The following RALGAPA2 variants were observed in gnomAD, a reference collection of about 807,000 sequenced individuals.
The protein encoded by RALGAPA2 is Ral GTPase activating protein catalytic subunit alpha 2.
In RALGAPA2, 139 loss-of-function variants were observed where a neutral mutation model predicts 230.4. That is an observed-to-expected ratio of 0.60 (90% CI 0.53 to 0.69). The LOEUF is 0.69. Ranked by LOEUF, RALGAPA2 falls within the 30% of genes least tolerant of loss-of-function variation. The pLI, the probability that RALGAPA2 is intolerant of heterozygous loss-of-function variation, is 0.00. For missense variants in RALGAPA2, 2,163 were observed against 2,276.0 expected, an observed-to-expected ratio of 0.95 and a Z score of 1.01; for synonymous variants, 847 against 837.8, an observed-to-expected ratio of 1.01 and a Z score of -0.19.
intron 35 of RALGAPA2, among the ~76,000 whole-genome samples, chr20:20,502,666 T>A (rs2062411108): frequency 6.6e-6 from 1 of 152,180 alleles, no homozygotes; most frequent in African/African-American, 2.4e-5. Context: ...CTTGCATTTA[T>A]GTGGTAGGGA....
intron 38 of RALGAPA2, among the ~76,000 whole-genome samples, chr20:20,402,210 T>C (rs1163359606): frequency 6.6e-6 from 1 of 152,202 alleles, no homozygotes; most frequent in Non-Finnish European, 1.5e-5. Flanking sequence ...CAGAGAAATC[T>C]TGCCCCATGG....
chr20:20,538,777 A>G (rs960949161), intron 24 of RALGAPA2, among the ~76,000 whole-genome samples: 13 of 152,182 alleles, frequency 8.5e-5, no homozygotes, highest in African/African-American at 2.4e-4. Flanking sequence ...TGGAGTGCAG[A>G]GAGAGAGAAG....
intron 3 of RALGAPA2, among the ~76,000 whole-genome samples, chr20:20,673,663 A>C (rs1204853570): frequency 1.3e-5 from 2 of 152,200 alleles, no homozygotes; most frequent in Non-Finnish European, 2.9e-5. Flanking sequence ...TCTTCACATA[A>C]GTAAAAAAAG....
At chr20:20,418,457 C>T (rs912030504) in intron 37 of RALGAPA2, among the ~76,000 whole-genome samples, 17 of 152,272 alleles carry the variant, frequency 1.1e-4, no homozygotes, top group African/African-American at 3.9e-4. Context: ...AACAGACGTG[C>T]GTGCTTGCAG....
At chr20:20,411,968 T>C in intron 38 of RALGAPA2, 59 bp downstream of exon 38, 1 of 1,599,946 alleles carries the variant, frequency 6.3e-7, no homozygotes. Context: ...AAAACAGGTG[T>C]ACATCTGCTG....
chr20:20,509,908 A>G (rs538531629), intron 33 of RALGAPA2, among the ~76,000 whole-genome samples: 13 of 152,334 alleles, frequency 8.5e-5, no homozygotes, highest in African/African-American at 3.1e-4. Flanking sequence ...TGTTTAAAAG[A>G]AAATTCCAAC....
chr20:20,550,128 T>C (rs191941818), intron 23 of RALGAPA2, among the ~76,000 whole-genome samples: 1 of 152,166 alleles, frequency 6.6e-6, no homozygotes, highest in East Asian at 1.9e-4. Context: ...TAGTCTTTTA[T>C]CCCTCATCCC....
At chr20:20,607,982 A>G (rs1284658133) in intron 14 of RALGAPA2, among the ~76,000 whole-genome samples, 3 of 152,184 alleles carry the variant, frequency 2.0e-5, no homozygotes, top group Non-Finnish European at 2.9e-5. Context: ...CTTTTAATCA[A>G]TTACCATTTT....
At chr20:20,648,535 T>C (rs938121774) in intron 4 of RALGAPA2, among the ~76,000 whole-genome samples, 1 of 151,952 alleles carries the variant, frequency 6.6e-6, no homozygotes, top group Non-Finnish European at 1.5e-5. Flanking sequence ...CCCCCATAAA[T>C]ATTTTTTTTT....
rs946576322 is a variant in RALGAPA2, at chr20:20,676,168, A to C, written c.270+68T>G. 10 of 1,124,118 alleles carry C rather than the reference A, an allele frequency of 8.9e-6. No homozygotes were observed. The African/African-American group carries it at 1.3e-4, about 14-fold the overall frequency. 69.6% of individuals were successfully genotyped at this position (1,124,118 alleles called of 1,614,324 possible). ...CCATTTTTATTTGTCTTCAAATAAA[A>C]TTAAAGATCAAAAATACTTTATTTC... On this transcript the variant is annotated intron_variant, in intron 3 of 39. Transcript: ENST00000202677.
intron 12 of RALGAPA2, among the ~76,000 whole-genome samples, chr20:20,618,900 T>G (rs1370941713): frequency 6.6e-6 from 1 of 152,238 alleles, no homozygotes; most frequent in Non-Finnish European, 1.5e-5. Context: ...GAATATTACT[T>G]ATAAGATTTT....
At chr20:20,478,705 G>T (rs1471687623) in intron 36 of RALGAPA2, among the ~76,000 whole-genome samples, 4 of 152,070 alleles carry the variant, frequency 2.6e-5, no homozygotes, top group African/African-American at 9.7e-5. Context: ...CTACCAGAAG[G>T]GGGAGGGAGG....
Position 20,635,494 on chromosome 20 carries a change from A to C in RALGAPA2, c.929T>G (p.Phe310Cys). Residue 310 changes from phenylalanine (F) to cysteine (C), a missense_variant, in exon 9 of 40, where the codon TTC becomes TGC. By Grantham distance (205) the Phe-to-Cys change is radical. Coordinates refer to ENST00000202677, the MANE Select transcript of RALGAPA2 (RefSeq NM_020343.4). Reference sequence around the variant, plus strand: ...AGTTAGATACTTTTTTTCCAAAAAGAAGGTTACAATCCACTTAATAAAAAC... The same window carrying C: ...AGTTAGATACTTTTTTTCCAAAAAGCAGGTTACAATCCACTTAATAAAAAC... Reference protein sequence around the residue: ...RVVFIKWIVTFFLEKKYLTAT... With the variant: ...RVVFIKWIVTCFLEKKYLTAT... 2 of 1,601,740 alleles carry C rather than the reference A, an allele frequency of 1.2e-6. No individual in the cohort carries two copies. Among genetic ancestry groups the C allele is most frequent in the Non-Finnish European group, 1.7e-6 (2 of 1,175,222 alleles).
chr20:20,510,205 T>C (rs1225241147), intron 33 of RALGAPA2, among the ~76,000 whole-genome samples: 1 of 152,124 alleles, frequency 6.6e-6, no homozygotes, highest in Non-Finnish European at 1.5e-5. Context: ...ATGAGAAACG[T>C]GACAGTGGAT....
At chr20:20,657,980 C>A (rs1204787099) in intron 3 of RALGAPA2, among the ~76,000 whole-genome samples, 1 of 152,084 alleles carries the variant, frequency 6.6e-6, no homozygotes, top group Non-Finnish European at 1.5e-5. Flanking sequence ...TTTGTTAGCA[C>A]ACAACAAAGA....
chr20:20,691,978 T>C (rs537785196), intron 1 of RALGAPA2, among the ~76,000 whole-genome samples: 2 of 152,232 alleles, frequency 1.3e-5, no homozygotes, highest in Non-Finnish European at 2.9e-5. Flanking sequence ...AACTGATTGT[T>C]ACAAAGAGGC....
At chr20:20,531,896 T>G (rs1461919878) in intron 26 of RALGAPA2, 101 bp from the exon 27 acceptor site, 2 of 973,142 alleles carry the variant, frequency 2.1e-6, no homozygotes, top group Non-Finnish European at 3.1e-6. Flanking sequence ...TTATACAAAA[T>G]AGCAAATATT....
chr20:20,568,288 C>A (rs1291141815), intron 23 of RALGAPA2, among the ~76,000 whole-genome samples: 1 of 152,130 alleles, frequency 6.6e-6, no homozygotes, highest in African/African-American at 2.4e-5. Context: ...CAACCACGAA[C>A]CCATGTTACA....
intron 3 of RALGAPA2, among the ~76,000 whole-genome samples, chr20:20,661,824 T>C (rs1778078906): frequency 6.6e-6 from 1 of 152,082 alleles, no homozygotes; most frequent in African/African-American, 2.4e-5. Context: ...CAAAGCAATA[T>C]TAATATCAAG....
Sources: gnomAD v4.1 joint callset for allele counts (sites outside exome capture counted in the v4.1 genomes callset) on GRCh38, gnomAD v4.1.1 for gene constraint, MANE v1.5 for transcripts, NCBI Gene and HGNC (gene_info 2026-07-23, HGNC 2026-07-21) for gene names.